Variants in PDS5B observed in about 807,000 individuals in gnomAD.
The protein encoded by PDS5B is sister chromatid cohesion protein PDS5 homolog B.
PDS5B carries 51 observed loss-of-function variants against 184.1 expected under a neutral mutation model. The observed-to-expected ratio is 0.28, with a 90% confidence interval of 0.22 to 0.35. PDS5B has a LOEUF of 0.35. PDS5B is among the 10% of genes least tolerant of loss of function. PDS5B has a pLI of 1.00. For synonymous variants in PDS5B, 566 were observed against 569.2 expected, an observed-to-expected ratio of 0.99 and a Z score of 0.08; for missense variants, 1,180 against 1,723.3, an observed-to-expected ratio of 0.68 and a Z score of 5.58.
intron 3 of PDS5B, among the ~76,000 whole-genome samples, chr13:32,654,276 T>A (rs998925946): frequency 6.6e-6 from 1 of 152,178 alleles, no homozygotes; most frequent in East Asian, 1.9e-4. Context: ...GTATACAGAT[T>A]AGAAAATTGT....
chr13:32,597,704 G>T (rs2057900691), intron 1 of PDS5B, among the ~76,000 whole-genome samples: 1 of 151,766 alleles, frequency 6.6e-6, no homozygotes, highest in Non-Finnish European at 1.5e-5. Context: ...AAAATTAGTT[G>T]GGCATGGTGG....
intron 1 of PDS5B, among the ~76,000 whole-genome samples, chr13:32,624,274 G>A (rs2058341892): frequency 6.6e-6 from 1 of 151,832 alleles, no homozygotes; most frequent in Non-Finnish European, 1.5e-5. Flanking sequence ...CTTTTACTAA[G>A]ATATCAGAGT....
chr13:32,758,160 G>A lies in PDS5B; in HGVS notation c.3130G>A (p.Val1044Ile), dbSNP rs911408119. Residue 1044 changes from valine (V) to isoleucine (I), a missense_variant, in exon 27 of 35, where the codon GTA becomes ATA. Val to Ile is a conservative substitution (Grantham distance 29, BLOSUM62 3). Coordinates refer to ENST00000315596, the MANE Select transcript of PDS5B (RefSeq NM_015032.4). ...NNSHAFIRKMVENIKQTKDAQ... is the reference protein window; with the variant it reads ...NNSHAFIRKMIENIKQTKDAQ... ...CAGTCACGCTTTTATCAGAAAGATG[G>A]TAGAAAATATTAAACAAACAAAAGA... The A allele has an allele frequency of 6.5e-7, 1 of 1,548,736 alleles. No homozygotes were observed.
chr13:32,734,592 A>C (rs986468485), intron 20 of PDS5B, among the ~76,000 whole-genome samples: 1 of 152,232 alleles, frequency 6.6e-6, no homozygotes, highest in Non-Finnish European at 1.5e-5. Context: ...GCTTAGGGAC[A>C]CAGACTCATT....
chr13:32,648,982 C>A, intron 2 of PDS5B, 102 bp downstream of exon 2: 1 of 699,100 alleles, frequency 1.4e-6, no homozygotes, highest in Non-Finnish European at 2.6e-6. Context: ...CTTAAAAAAG[C>A]AAAGCAAAGC....
At chr13:32,678,806 G>C in intron 9 of PDS5B, 29 bp from the exon 10 acceptor site, 1 of 1,174,192 alleles carries the variant, frequency 8.5e-7, no homozygotes, top group South Asian at 1.2e-5. Flanking sequence ...TTATTTTGAA[G>C]CTCACTCTGT....
intron 21 of PDS5B, among the ~76,000 whole-genome samples, chr13:32,736,973 C>G (rs1953353396): frequency 6.6e-6 from 1 of 152,064 alleles, no homozygotes; most frequent in African/African-American, 2.4e-5. Context: ...AAACATAGCT[C>G]TTTGTTTTGC....
chr13:32,658,366 A>AT (rs757337544), intron 4 of PDS5B, 41 bp downstream of exon 4: 6 of 1,416,378 alleles, frequency 4.2e-6, no homozygotes, highest in South Asian at 1.2e-5. Flanking sequence ...TTTTAAACTG[A>AT]TTTTTTTGTT....
At chr13:32,587,965 A>G (rs967621849) in intron 1 of PDS5B, among the ~76,000 whole-genome samples, 1 of 152,238 alleles carries the variant, frequency 6.6e-6, no homozygotes, top group Non-Finnish European at 1.5e-5. Flanking sequence ...CGAGCTGTAA[A>G]TAAATCGTAA....
intron 1 of PDS5B, among the ~76,000 whole-genome samples, chr13:32,615,771 G>A: frequency 6.6e-6 from 1 of 152,210 alleles, no homozygotes; most frequent in East Asian, 1.9e-4. Context: ...ATATCTCATG[G>A]TTGCTGGAAA....
intron 19 of PDS5B, among the ~76,000 whole-genome samples, chr13:32,711,815 A>C (rs1420371969): frequency 6.6e-6 from 1 of 152,090 alleles, no homozygotes; most frequent in Admixed American, 6.5e-5. Flanking sequence ...ATACATACCC[A>C]CTCATTATGT....
At chr13:32,753,597 A>T (rs1167078399) in intron 25 of PDS5B, 61 bp downstream of exon 25, 1 of 1,027,578 alleles carries the variant, frequency 9.7e-7, no homozygotes, top group African/African-American at 1.6e-5. Context: ...GTTTTATAGA[A>T]TATAGCATGA....
chr13:32,735,422 C>T, intron 21 of PDS5B, 92 bp downstream of exon 21: 1 of 855,290 alleles, frequency 1.2e-6, no homozygotes, highest in Non-Finnish European at 1.7e-6. Flanking sequence ...ATCAATAATA[C>T]TTCCATTTGA....
At chr13:32,736,830 G>A (rs934255627) in intron 21 of PDS5B, among the ~76,000 whole-genome samples, 3 of 151,686 alleles carry the variant, frequency 2.0e-5, no homozygotes, top group Non-Finnish European at 4.4e-5. Flanking sequence ...TCATGCTTCA[G>A]TTTTTGTTTT....
chr13:32,702,962 T>C (rs1951904172), intron 17 of PDS5B, among the ~76,000 whole-genome samples: 1 of 152,140 alleles, frequency 6.6e-6, no homozygotes, highest in Non-Finnish European at 1.5e-5. Flanking sequence ...GAAGGAAATT[T>C]TAAAACAACA....
At chr13:32,598,653 C>T (rs989767396) in intron 1 of PDS5B, among the ~76,000 whole-genome samples, 1 of 151,848 alleles carries the variant, frequency 6.6e-6, no homozygotes, top group Non-Finnish European at 1.5e-5. Flanking sequence ...TTGCATAATG[C>T]ATAGGTCTAG....
At chr13:32,743,423 A>C (rs1953632464) in intron 23 of PDS5B, among the ~76,000 whole-genome samples, 1 of 152,212 alleles carries the variant, frequency 6.6e-6, no homozygotes, top group African/African-American at 2.4e-5. Flanking sequence ...TACTTAGCAC[A>C]TAATAATTAG....
chr13:32,677,628 G>C (rs1951107255), intron 9 of PDS5B, among the ~76,000 whole-genome samples: 1 of 151,808 alleles, frequency 6.6e-6, no homozygotes, highest in Admixed American at 6.6e-5. Flanking sequence ...GGGACCAGAG[G>C]CTAGATTTTA....
intron 3 of PDS5B, chr13:32,652,436 A>G (rs1950389256): frequency 6.3e-6 from 1 of 158,770 alleles, no homozygotes; most frequent in Admixed American, 6.1e-5. Context: ...TGTGTTATAC[A>G]TTGTTATGAA....
Sources: gnomAD v4.1 joint callset for allele counts (sites outside exome capture counted in the v4.1 genomes callset) on GRCh38, gnomAD v4.1.1 for gene constraint, MANE v1.5 for transcripts, NCBI Gene and HGNC (gene_info 2026-07-23, HGNC 2026-07-21) for gene names.